Variants in TBCEL observed in about 807,000 individuals in gnomAD.
TBCEL encodes the protein tubulin folding cofactor E like.
A neutral mutation model predicts 44.2 loss-of-function variants in TBCEL; 15 were observed. The observed-to-expected ratio is 0.34, with a 90% confidence interval of 0.23 to 0.52. The LOEUF is 0.52. TBCEL is among the 20% of genes least tolerant of loss of function. The pLI is 0.95. For missense variants in TBCEL, 319 were observed against 506.3 expected (o/e 0.63, Z 3.55); for synonymous variants, 171 against 185.4 (o/e 0.92, Z 0.63).
chr11:121,028,218 T>TAAATA lies in TBCEL; in HGVS notation c.-126+3945_-126+3949dup, dbSNP rs551230039. 3.8e-3 allele frequency among the ~76,000 whole-genome samples: 577 copies of TAAATA among 151,310 alleles called. 3 individuals carry two copies. The highest frequency in any genetic ancestry group is 0.013 in the African/African-American group (528 of 41,172). On this transcript the variant is annotated intron_variant, in intron 1 of 8. Transcript: ENST00000683345. The stretch of plus-strand genomic sequence containing the variant: ...GGCACTGTTTAAAAAAATAAATAAA[T>TAAATA]AAATAAAATAAAATAAAATAAAGCA...
intron 8 of TBCEL, among the ~76,000 whole-genome samples, chr11:121,068,073 G>T (rs984188765): frequency 7.2e-5 from 11 of 152,184 alleles, no homozygotes; most frequent in African/African-American, 2.7e-4. Flanking sequence ...CAGTCCCGAG[G>T]CTTTCAGTGC....
chr11:121,089,469 G>A lies in TBCEL; in HGVS notation c.*2373G>A, dbSNP rs1413796752. ...TAATTGCTGAATAATTTTTGATTAA[G>A]AGAAAAATGTAATACAATTACTGGT... On this transcript the variant is annotated 3_prime_UTR_variant, in exon 9 of 9. Coordinates refer to ENST00000683345, the MANE Select transcript of TBCEL (RefSeq NM_001363644.2). The A allele has an allele frequency of 6.6e-6, 1 of 152,148 alleles. No homozygotes were observed. The allele number at this position is 152,148 out of a possible 1,614,324, so 9.4% of individuals were successfully genotyped here.
chr11:121,034,671 CAA>C (rs1363827408), intron 1 of TBCEL, among the ~76,000 whole-genome samples: 1 of 152,084 alleles, frequency 6.6e-6, no homozygotes, highest in East Asian at 1.9e-4. Context: ...TTATTACTCT[CAA>C]GAGCTATACA....
At chr11:121,035,923 G>A (rs906817040) in intron 1 of TBCEL, 2 of 152,136 alleles carry the variant, frequency 1.3e-5, no homozygotes, top group Non-Finnish European at 2.9e-5. Flanking sequence ...AATTTTGGCT[G>A]TAATGGATTT....
At chr11:121,084,999 T>C (rs1353811025) in intron 8 of TBCEL, among the ~76,000 whole-genome samples, 3 of 150,716 alleles carry the variant, frequency 2.0e-5, no homozygotes, top group Non-Finnish European at 4.4e-5. Flanking sequence ...TAGATTTCAA[T>C]CATATATATA....
Position 121,086,949 on chromosome 11 carries a change from A to T in TBCEL, c.1128A>T (p.Val376=), listed in dbSNP as rs768475769. 1.2e-6 allele frequency: 2 copies of T among 1,614,116 alleles called. No individual in the cohort carries two copies. The highest frequency in any genetic ancestry group is 2.2e-5 in the South Asian group (2 of 91,088). Residue 376 remains valine, a synonymous_variant, in exon 9 of 9, where the codon GTA becomes GTT. Coordinates refer to ENST00000683345, the MANE Select transcript of TBCEL (RefSeq NM_001363644.2). ...TAAAGAAACAGTTAAAAACTCTAGT[A>T]CAATTACCCACAAGCAACATGCTTC... ...AELKKQLKTL[V]QLPTSNMLLY...
intron 4 of TBCEL, among the ~76,000 whole-genome samples, chr11:121,048,172 A>T (rs549609783): frequency 1.3e-5 from 2 of 151,870 alleles, no homozygotes; most frequent in South Asian, 4.1e-4. Flanking sequence ...TCTTATGCTC[A>T]TTCTCTACTT....
At chr11:121,061,816 C>T (rs768192873) in intron 8 of TBCEL, among the ~76,000 whole-genome samples, 2 of 152,088 alleles carry the variant, frequency 1.3e-5, no homozygotes, top group Non-Finnish European at 2.9e-5. Flanking sequence ...TAGGACATTA[C>T]TGTACACTAC....
intron 2 of TBCEL, among the ~76,000 whole-genome samples, chr11:121,036,925 A>G (rs1945241929): frequency 1.3e-5 from 2 of 152,252 alleles, no homozygotes; most frequent in South Asian, 4.1e-4. Context: ...TGCCACTAAT[A>G]CAATGAAATA....
At chr11:121,040,238 C>G (rs1945307759) in intron 2 of TBCEL, among the ~76,000 whole-genome samples, 1 of 152,162 alleles carries the variant, frequency 6.6e-6, no homozygotes, top group Admixed American at 6.5e-5. Context: ...CATCACACCT[C>G]CTTAGCTTAT....
chr11:121,078,827 A>G (rs1425498730), intron 8 of TBCEL, among the ~76,000 whole-genome samples: 1 of 152,226 alleles, frequency 6.6e-6, no homozygotes, highest in East Asian at 1.9e-4. Context: ...TTTCTGGTCC[A>G]TGGAGATGCT....
intron 5 of TBCEL, 65 bp from the exon 6 acceptor site, chr11:121,054,987 A>C: frequency 7.3e-7 from 1 of 1,379,014 alleles, no homozygotes; most frequent in Middle Eastern, 2.4e-4. Flanking sequence ...TGAATGAATG[A>C]AAATAGGTGT....
chr11:121,031,662 CTTTTTTT>C (rs1159376351), intron 1 of TBCEL, among the ~76,000 whole-genome samples: 2 of 101,866 alleles, frequency 2.0e-5, no homozygotes, highest in Non-Finnish European at 4.0e-5. Context: ...TTTTTTCTTT[CTTTTTTT>C]TTTTTTTTTT....
intron 8 of TBCEL, among the ~76,000 whole-genome samples, chr11:121,085,602 A>G (rs1259481672): frequency 6.6e-6 from 1 of 152,184 alleles, no homozygotes; most frequent in Non-Finnish European, 1.5e-5. Flanking sequence ...AGCCAGGGCT[A>G]TTTTTACATA....
At chr11:121,043,387 C>T (rs183027289) in intron 2 of TBCEL, among the ~76,000 whole-genome samples, 72 of 152,210 alleles carry the variant, frequency 4.7e-4, no homozygotes, top group African/African-American at 1.7e-3. Flanking sequence ...AAATACCTAA[C>T]GTTCATTATA....
rs1352132387 is a variant in TBCEL, at chr11:121,086,946, A to G, written c.1125A>G (p.Leu375=). The G allele has an allele frequency of 3.1e-6, 5 of 1,614,108 alleles. No individual in the cohort carries two copies. Among genetic ancestry groups the G allele is most frequent in the Admixed American group, 1.7e-5 (1 of 60,022 alleles). The change falls in exon 9 of 9, where the codon CTA becomes CTG. Residue 375 remains leucine, a synonymous_variant. Transcript: ENST00000683345. ...VAELKKQLKT[L]VQLPTSNMLL... is the part of the protein sequence containing the mutation. ...AACTAAAGAAACAGTTAAAAACTCT[A>G]GTACAATTACCCACAAGCAACATGC...
chr11:121,079,084 T>C (rs1428081417), intron 8 of TBCEL, among the ~76,000 whole-genome samples: 1 of 152,214 alleles, frequency 6.6e-6, no homozygotes, highest in Non-Finnish European at 1.5e-5. Context: ...ACTTAAGCTC[T>C]GTTGAAAAAC....
At chr11:121,057,510 C>G in intron 6 of TBCEL, 1 of 402,702 alleles carries the variant, frequency 2.5e-6, no homozygotes, top group Non-Finnish European at 4.9e-6. Flanking sequence ...AATTTTAGAT[C>G]CATCTCTCCT....
Position 121,055,172 on chromosome 11 carries a change from A to G in TBCEL, c.576A>G (p.Ile192Met), listed in dbSNP as rs1945597387. Residue 192 changes from isoleucine to methionine, a missense_variant, in exon 6 of 9, where the codon ATA (isoleucine) becomes ATG (methionine). Ile to Met is a conservative substitution (Grantham distance 10). Transcript: ENST00000683345. ...TDNNLQDWTE[I>M]RKLGVMFPSL... is the part of the protein sequence containing the mutation. ...ATAACCTCCAAGACTGGACTGAAAT[A>G]CGAAAGTTAGGAGTTATGTTTCCTT... The G allele has an allele frequency of 6.2e-7, 1 of 1,612,380 alleles. No individual in the cohort carries two copies. Among genetic ancestry groups the G allele is most frequent in the Non-Finnish European group, 8.5e-7 (1 of 1,179,014 alleles).
Sources: allele counts gnomAD v4.1 joint callset (sites outside exome capture counted in the v4.1 genomes callset), GRCh38; gene constraint gnomAD v4.1.1; transcripts MANE v1.5; gene names NCBI Gene and HGNC (gene_info 2026-07-23, HGNC 2026-07-21).